ATP9B: variants seen among roughly 807,000 people sequenced by gnomAD.
ATP9B encodes the protein probable phospholipid-transporting ATPase IIB.
Under a neutral mutation model 146.1 loss-of-function variants are expected in ATP9B, and 110 were observed. The observed-to-expected ratio is 0.75, with a 90% CI of 0.65 to 0.88. The LOEUF (loss-of-function observed/expected upper bound fraction) is 0.88. Ranked by LOEUF, ATP9B falls within the 40% of genes least tolerant of loss-of-function variation. The pLI is 0.00. For missense variants in ATP9B, 1,499 were observed against 1,496.4 expected (o/e 1.00, Z -0.03); for synonymous variants, 604 against 569.7 (o/e 1.06, Z -0.86).
At chr18:79,217,278 G>A (rs1005695451) in intron 11 of ATP9B, among the ~76,000 whole-genome samples, 3 of 152,184 alleles carry the variant, frequency 2.0e-5, no homozygotes, top group Admixed American at 6.5e-5. Flanking sequence ...TCCGCCTCCC[G>A]AGTTCACGCC....
intron 25 of ATP9B, among the ~76,000 whole-genome samples, chr18:79,348,789 C>T (rs1159393723): frequency 1.3e-5 from 2 of 152,244 alleles, no homozygotes; most frequent in Non-Finnish European, 2.9e-5. Flanking sequence ...CGAGACCAGC[C>T]TGGCTAACAT....
chr18:79,191,459 C>T (rs1246706461), intron 8 of ATP9B, among the ~76,000 whole-genome samples: 2 of 152,158 alleles, frequency 1.3e-5, no homozygotes, highest in Non-Finnish European at 2.9e-5. Flanking sequence ...CAGTTACATG[C>T]ATGTTAGACT....
Position 79,126,350 on chromosome 18 carries a change from A to G in ATP9B, c.642A>G (p.Gln214=), listed in dbSNP as rs1355546788. ...AGCGTGACAAGGAAGTGAATTCACA[A>G]CTATATAGCAAGCTTACAGTAAGAG... is the stretch of plus-strand genomic sequence containing the variant. The part of the protein sequence containing the change: ...RFQRDKEVNS[Q]LYSKLTVRGK... Residue 214 remains glutamine (Q), a synonymous_variant, in exon 5 of 30, where the codon CAA becomes CAG. Transcript: ENST00000426216. 1.2e-6 allele frequency: 2 copies of G among 1,611,422 alleles called. No homozygotes were observed. The highest frequency in any genetic ancestry group is 2.2e-5 in the East Asian group (1 of 44,716).
At chr18:79,267,229 C>G (rs2096212384) in intron 12 of ATP9B, among the ~76,000 whole-genome samples, 1 of 151,966 alleles carries the variant, frequency 6.6e-6, no homozygotes, top group Non-Finnish European at 1.5e-5. Flanking sequence ...TTCCTGTTAT[C>G]CCTGACATAC....
chr18:79,241,882 G>A (rs950255656), intron 11 of ATP9B, among the ~76,000 whole-genome samples: 3 of 152,132 alleles, frequency 2.0e-5, no homozygotes, highest in Non-Finnish European at 2.9e-5. Context: ...GTGACCCTTC[G>A]CTGCCATCTG....
At chr18:79,153,469 G>A (rs911005462) in intron 6 of ATP9B, among the ~76,000 whole-genome samples, 4 of 152,238 alleles carry the variant, frequency 2.6e-5, no homozygotes, top group African/African-American at 9.6e-5. Context: ...TCTATTAAGT[G>A]TTTTGTGTAT....
At chr18:79,076,877 T>C (rs1285186178) in intron 1 of ATP9B, among the ~76,000 whole-genome samples, 1 of 151,702 alleles carries the variant, frequency 6.6e-6, no homozygotes, top group African/African-American at 2.4e-5. Context: ...TTATTTTCTC[T>C]TAAAGTTCAC....
At chr18:79,191,274 G>T (rs1356413200) in intron 8 of ATP9B, among the ~76,000 whole-genome samples, 1 of 151,658 alleles carries the variant, frequency 6.6e-6, no homozygotes, top group Non-Finnish European at 1.5e-5. Context: ...TTTATTTTTG[G>T]TTTTTAGCAA....
chr18:79,208,262 G>A (rs1246452939), intron 10 of ATP9B, among the ~76,000 whole-genome samples: 1 of 152,128 alleles, frequency 6.6e-6, no homozygotes, highest in Non-Finnish European at 1.5e-5. Flanking sequence ...GAAAAATGAA[G>A]TTTATATAGA....
At chr18:79,172,209 G>A (rs892241298) in intron 7 of ATP9B, among the ~76,000 whole-genome samples, 33 of 140,118 alleles carry the variant, frequency 2.4e-4, no homozygotes, top group Non-Finnish European at 4.3e-4. Flanking sequence ...ACCGTGCCCC[G>A]CCCTTGCGAT....
chr18:79,147,307 C>G (rs2094607525), intron 6 of ATP9B, among the ~76,000 whole-genome samples: 1 of 152,218 alleles, frequency 6.6e-6, no homozygotes, highest in Non-Finnish European at 1.5e-5. Flanking sequence ...GATAGACGCT[C>G]CGCAGTGATG....
At chr18:79,374,722 C>T (rs2097093572) in intron 28 of ATP9B, among the ~76,000 whole-genome samples, 1 of 152,242 alleles carries the variant, frequency 6.6e-6, no homozygotes, top group African/African-American at 2.4e-5. Flanking sequence ...TGTTCCTGTT[C>T]TTACATAAAA....
chr18:79,151,323 G>A (rs1253923892), intron 6 of ATP9B, among the ~76,000 whole-genome samples: 1 of 152,194 alleles, frequency 6.6e-6, no homozygotes, highest in Non-Finnish European at 1.5e-5. Context: ...AGGTGGGAGT[G>A]TGTTTGGGCA....
At chr18:79,114,941 G>A (rs2094040399) in intron 4 of ATP9B, 1 of 153,824 alleles carries the variant, frequency 6.5e-6, no homozygotes, top group Non-Finnish European at 1.5e-5. Flanking sequence ...TTTCCTAATT[G>A]AATACCCTTT....
At chr18:79,119,391 ATTGT>A (rs985319160) in intron 4 of ATP9B, among the ~76,000 whole-genome samples, 2 of 152,070 alleles carry the variant, frequency 1.3e-5, no homozygotes, top group African/African-American at 4.8e-5. Flanking sequence ...TTTTCATATG[ATTGT>A]TCATTTCCAG....
At chr18:79,117,793 C>A (rs866236636) in intron 4 of ATP9B, 1 of 152,176 alleles carries the variant, frequency 6.6e-6, no homozygotes, top group Admixed American at 6.5e-5. Context: ...ATAACTGTTT[C>A]TCCTTTCTTT....
intron 16 of ATP9B, among the ~76,000 whole-genome samples, chr18:79,329,605 A>T (rs745855930): frequency 6.6e-6 from 1 of 152,194 alleles, no homozygotes; most frequent in Non-Finnish European, 1.5e-5. Flanking sequence ...ATAACATGCC[A>T]AAGAGTTTGA....
At chr18:79,249,759 T>C (rs1568492371) in intron 11 of ATP9B, among the ~76,000 whole-genome samples, 1 of 152,238 alleles carries the variant, frequency 6.6e-6, no homozygotes, top group Non-Finnish European at 1.5e-5. Context: ...AGAAATTGAA[T>C]ATTAAAAGAT....
rs893434394 is a variant in ATP9B, at chr18:79,337,283, G to A, written c.2117G>A (p.Arg706Gln). The A allele has an allele frequency of 8.1e-6, 13 of 1,613,728 alleles. No homozygotes were observed. The highest frequency in any genetic ancestry group is 1.3e-5 in the African/African-American group (1 of 74,928). ...CGCCTCCCCCTCTGTCCCCAGAGCC[G>A]ATACACTCAAGCCAAGCTGAGCATG... ...TEEQYQDFES[R>Q]YTQAKLSMHD... The change falls in exon 19 of 30, where the codon CGA becomes CAA. Residue 706 changes from arginine to glutamine, a missense_variant. Coordinates refer to ENST00000426216, the MANE Select transcript of ATP9B (RefSeq NM_198531.5).
Sources: gnomAD v4.1 joint callset for allele counts (sites outside exome capture counted in the v4.1 genomes callset) on GRCh38, gnomAD v4.1.1 for gene constraint, MANE v1.5 for transcripts, NCBI Gene and HGNC (gene_info 2026-07-23, HGNC 2026-07-21) for gene names.